The following TEC variants were observed in gnomAD, a reference collection of about 807,000 sequenced individuals.
TEC encodes tyrosine-protein kinase Tec.
Under a neutral mutation model 93.0 loss-of-function variants are expected in TEC, and 72 were observed. That is an observed-to-expected ratio of 0.77 (90% CI 0.64 to 0.94). The LOEUF is 0.94. Among genes scored for constraint, TEC ranks in the 40% least tolerant of loss-of-function variants. The probability of loss-of-function intolerance (pLI) is 0.00; values close to 1 mark genes in which losing one functional copy is unlikely to be tolerated. For missense variants in TEC, 630 were observed against 757.9 expected (o/e 0.83, Z 1.98); for synonymous variants, 249 against 247.7 (o/e 1.01, Z -0.05).
At chr4:48,147,019 C>T (rs965170406) in intron 11 of TEC, among the ~76,000 whole-genome samples, 1 of 152,260 alleles carries the variant, frequency 6.6e-6, no homozygotes, top group Admixed American at 6.5e-5. Context: ...ACCTAGTCCA[C>T]CACTGAAATA....
chr4:48,192,975 G>A (rs1429928734), intron 2 of TEC, among the ~76,000 whole-genome samples: 3 of 152,130 alleles, frequency 2.0e-5, no homozygotes, highest in Non-Finnish European at 2.9e-5. Context: ...CTGCAGCAGA[G>A]CCTGGCACCT....
chr4:48,256,415 C>A, intron 1 of TEC, among the ~76,000 whole-genome samples: 1 of 150,002 alleles, frequency 6.7e-6, no homozygotes, highest in Admixed American at 6.7e-5. Context: ...AAAACCCTGT[C>A]TCTACAAAAA....
At chr4:48,145,027 G>A (rs1055365067) in intron 14 of TEC, 52 bp downstream of exon 14, 3 of 1,526,128 alleles carry the variant, frequency 2.0e-6, no homozygotes, top group Non-Finnish European at 2.7e-6. Context: ...TGCTGAGCCA[G>A]TGTTACAAAG....
chr4:48,181,043 A>AG (rs1312585855), intron 2 of TEC, among the ~76,000 whole-genome samples: 3 of 152,210 alleles, frequency 2.0e-5, no homozygotes, highest in East Asian at 3.9e-4. Flanking sequence ...AGAAGGACTG[A>AG]GGGGGGCTAA....
At chr4:48,165,745 T>G (rs997724276) in intron 7 of TEC, among the ~76,000 whole-genome samples, 5 of 152,236 alleles carry the variant, frequency 3.3e-5, no homozygotes, top group African/African-American at 1.2e-4. Flanking sequence ...ATGACCTGCT[T>G]TCATCAATAA....
chr4:48,151,091 G>T (rs1720145874), intron 9 of TEC, 149 bp from the exon 10 acceptor site: 2 of 509,606 alleles, frequency 3.9e-6, no homozygotes, highest in Admixed American at 7.5e-5. Flanking sequence ...TACCAGTAGG[G>T]CCCCTTGGTT....
At chr4:48,176,709 T>C (rs1276713283) in intron 2 of TEC, among the ~76,000 whole-genome samples, 2 of 152,142 alleles carry the variant, frequency 1.3e-5, no homozygotes, top group African/African-American at 4.8e-5. Context: ...GGTGACACAG[T>C]AAGACTCTAT....
intron 1 of TEC, among the ~76,000 whole-genome samples, chr4:48,266,757 G>A (rs1724645125): frequency 6.6e-6 from 1 of 151,568 alleles, no homozygotes; most frequent in Non-Finnish European, 1.5e-5. Flanking sequence ...AGAATCGCTT[G>A]AACCCGGGAG....
chr4:48,255,371 C>T (rs1724315028), intron 1 of TEC, among the ~76,000 whole-genome samples: 1 of 152,184 alleles, frequency 6.6e-6, no homozygotes, highest in Non-Finnish European at 1.5e-5. Context: ...GGATCACATG[C>T]TAACCCCTGA....
chr4:48,155,578 A>G (rs963952854), intron 9 of TEC, among the ~76,000 whole-genome samples: 1 of 152,228 alleles, frequency 6.6e-6, no homozygotes. Flanking sequence ...ATGCTGTTTC[A>G]GGTGATGTCA....
intron 2 of TEC, among the ~76,000 whole-genome samples, chr4:48,203,762 T>G (rs1001894236): frequency 6.6e-6 from 1 of 152,150 alleles, no homozygotes; most frequent in Admixed American, 6.5e-5. Flanking sequence ...TAGGGGTTCA[T>G]GAAGCTACAC....
chr4:48,143,362 C>T (rs563244809), intron 14 of TEC, among the ~76,000 whole-genome samples: 13 of 152,272 alleles, frequency 8.5e-5, no homozygotes, highest in South Asian at 6.2e-4. Flanking sequence ...GCCACACCCA[C>T]GTAGATACTC....
intron 1 of TEC, among the ~76,000 whole-genome samples, chr4:48,259,307 C>A (rs1724429812): frequency 6.6e-6 from 1 of 152,156 alleles, no homozygotes; most frequent in Non-Finnish European, 1.5e-5. Flanking sequence ...TGTATAAAAA[C>A]CCCTGTGACT....
intron 2 of TEC, 118 bp downstream of exon 2, chr4:48,228,359 A>T: frequency 8.9e-7 from 1 of 1,124,840 alleles, no homozygotes; most frequent in Non-Finnish European, 1.2e-6. Flanking sequence ...AGTCCAAATG[A>T]TAATAAATCA....
intron 9 of TEC, among the ~76,000 whole-genome samples, chr4:48,156,192 C>A (rs1720391675): frequency 6.6e-6 from 1 of 152,134 alleles, no homozygotes; most frequent in Non-Finnish European, 1.5e-5. Context: ...AGGAAAACAG[C>A]CTGTTACATG....
chr4:48,252,017 T>C (rs1724217863), intron 1 of TEC, among the ~76,000 whole-genome samples: 1 of 151,934 alleles, frequency 6.6e-6, no homozygotes, highest in South Asian at 2.1e-4. Context: ...GAGAGGAAAA[T>C]ACTAAAGCAG....
intron 2 of TEC, among the ~76,000 whole-genome samples, chr4:48,176,733 A>G (rs1721346566): frequency 1.3e-5 from 2 of 152,176 alleles, no homozygotes; most frequent in African/African-American, 4.8e-5. Flanking sequence ...AAAAAAATAC[A>G]TAACTCCAGA....
chr4:48,261,026 C>T (rs1273766879), intron 1 of TEC, among the ~76,000 whole-genome samples: 5 of 152,140 alleles, frequency 3.3e-5, no homozygotes, highest in African/African-American at 1.2e-4. Context: ...CCAAGGAGCA[C>T]ACCAGGTGTC....
At position 48,235,114 on chromosome 4, in the gene TEC, G is replaced by A. The variant is rs191153329; in HGVS notation, c.-45-6455C>T. 1.7e-3 allele frequency among the ~76,000 whole-genome samples: 266 copies of A among 152,160 alleles called. 2 individuals are homozygous for A. The highest frequency in any genetic ancestry group is 6.3e-3 in the African/African-American group (261 of 41,508). On this transcript the variant is annotated intron_variant, in intron 1 of 17. Transcript: ENST00000381501. Reference sequence around the variant, plus strand: ...GATTAGTAACATCAAGTTACTTCAGGTTACTTTTTTTGGTAAAGATTAAAA... The same window carrying A: ...GATTAGTAACATCAAGTTACTTCAGATTACTTTTTTTGGTAAAGATTAAAA...
Sources: gnomAD v4.1 joint callset for allele counts (sites outside exome capture counted in the v4.1 genomes callset) on GRCh38, gnomAD v4.1.1 for gene constraint, MANE v1.5 for transcripts, NCBI Gene and HGNC (gene_info 2026-07-23, HGNC 2026-07-21) for gene names.